ARHGAP24: variants seen among roughly 807,000 people sequenced by gnomAD.
ARHGAP24 encodes the protein rho GTPase-activating protein 24.
A neutral mutation model predicts 76.4 loss-of-function variants in ARHGAP24; 50 were observed. That is an observed-to-expected ratio of 0.65 (90% CI 0.52 to 0.83). The LOEUF (loss-of-function observed/expected upper bound fraction) is 0.83. Ranked by LOEUF, ARHGAP24 falls within the 40% of genes least tolerant of loss-of-function variation. ARHGAP24 has a pLI of 0.00. For missense variants in ARHGAP24, 930 were observed against 914.2 expected (o/e 1.02, Z -0.22); for synonymous variants, 345 against 323.3 (o/e 1.07, Z -0.72).
chr4:85,947,430 G>A (rs2148829277), intron 5 of ARHGAP24, among the ~76,000 whole-genome samples: 1 of 152,156 alleles, frequency 6.6e-6, no homozygotes, highest in East Asian at 1.9e-4. Flanking sequence ...TCTTTTGTAA[G>A]GGCATTAATC....
intron 3 of ARHGAP24, among the ~76,000 whole-genome samples, chr4:85,848,967 T>C (rs1198438236): frequency 6.6e-6 from 1 of 152,010 alleles, no homozygotes; most frequent in African/African-American, 2.4e-5. Flanking sequence ...AAAGTAGTTT[T>C]TTCCAATTCT....
chr4:85,830,621 T>C (rs1278344868), intron 3 of ARHGAP24, among the ~76,000 whole-genome samples: 4 of 152,212 alleles, frequency 2.6e-5, no homozygotes, highest in Non-Finnish European at 5.9e-5. Flanking sequence ...CTACTAACTC[T>C]TCCCAAAGCA....
intron 5 of ARHGAP24, among the ~76,000 whole-genome samples, chr4:85,946,957 A>G (rs1737304749): frequency 6.6e-6 from 1 of 152,160 alleles, no homozygotes; most frequent in Non-Finnish European, 1.5e-5. Flanking sequence ...AACAGTGATT[A>G]AGTGTTCCCT....
At chr4:85,860,096 AT>A (rs1211619161) in intron 3 of ARHGAP24, among the ~76,000 whole-genome samples, 9 of 152,110 alleles carry the variant, frequency 5.9e-5, no homozygotes, top group Non-Finnish European at 1.3e-4. Context: ...AATCAGAACA[AT>A]TGATTTTCTT....
intron 3 of ARHGAP24, among the ~76,000 whole-genome samples, chr4:85,853,449 C>T (rs562657499): frequency 6.0e-4 from 91 of 152,258 alleles, no homozygotes; most frequent in Admixed American, 2.1e-3. Flanking sequence ...GGTGATGCCC[C>T]GCCCTGCTTC....
chr4:85,683,109 T>TGTGTGG (rs1553922558), intron 2 of ARHGAP24, among the ~76,000 whole-genome samples: 57 of 17,480 alleles, frequency 3.3e-3, no homozygotes, highest in African/African-American at 9.4e-3. Context: ...TCTCAGTGTG[T>TGTGTGG]GGGGGGGTGG....
chr4:85,874,149 A>G (rs555143381), intron 3 of ARHGAP24, among the ~76,000 whole-genome samples: 18 of 152,302 alleles, frequency 1.2e-4, no homozygotes, highest in African/African-American at 4.1e-4. Context: ...AACGATAACA[A>G]TCTGTACAAA....
chr4:85,489,435 T>C (rs1174629576), intron 1 of ARHGAP24, among the ~76,000 whole-genome samples: 1 of 152,196 alleles, frequency 6.6e-6, no homozygotes, highest in Non-Finnish European at 1.5e-5. Flanking sequence ...GGAGTATCCT[T>C]AGCTTCCCTG....
intron 3 of ARHGAP24, among the ~76,000 whole-genome samples, chr4:85,850,857 C>T (rs1162690164): frequency 6.6e-6 from 1 of 152,128 alleles, no homozygotes; most frequent in Admixed American, 6.5e-5. Context: ...CTGAGAAGTA[C>T]TTTACTTCAA....
intron 2 of ARHGAP24, among the ~76,000 whole-genome samples, chr4:85,676,140 A>G (rs1185943586): frequency 6.6e-6 from 1 of 152,212 alleles, no homozygotes; most frequent in Non-Finnish European, 1.5e-5. Flanking sequence ...CTTGAACAGA[A>G]TGCTCTTGTG....
chr4:85,482,948 A>G (rs1722874391), intron 1 of ARHGAP24, among the ~76,000 whole-genome samples: 1 of 152,196 alleles, frequency 6.6e-6, no homozygotes, highest in South Asian at 2.1e-4. Flanking sequence ...AATTAGACCT[A>G]CATTCTAACC....
At chr4:85,833,968 G>A (rs569153736) in intron 3 of ARHGAP24, among the ~76,000 whole-genome samples, 1 of 152,336 alleles carries the variant, frequency 6.6e-6, no homozygotes, top group South Asian at 2.1e-4. Context: ...TAACTTTTGT[G>A]AAGCTCAGTT....
At chr4:85,548,400 A>G (rs1335469071) in intron 1 of ARHGAP24, among the ~76,000 whole-genome samples, 1 of 152,184 alleles carries the variant, frequency 6.6e-6, no homozygotes, top group African/African-American at 2.4e-5. Flanking sequence ...TTATTTCTAT[A>G]TCTATGTGCC....
intron 2 of ARHGAP24, among the ~76,000 whole-genome samples, chr4:85,646,233 C>T (rs1022309064): frequency 6.6e-6 from 1 of 151,804 alleles, no homozygotes; most frequent in Non-Finnish European, 1.5e-5. Flanking sequence ...GTAATTTAGT[C>T]ATCTCTAATT....
chr4:85,486,018 C>T (rs1723037318), intron 1 of ARHGAP24, among the ~76,000 whole-genome samples: 2 of 152,132 alleles, frequency 1.3e-5, no homozygotes, highest in Admixed American at 6.5e-5. Context: ...GGATTACAGG[C>T]TGCCGTGCCC....
At chr4:85,958,782 A>G (rs1738069438) in intron 5 of ARHGAP24, among the ~76,000 whole-genome samples, 1 of 152,200 alleles carries the variant, frequency 6.6e-6, no homozygotes, top group Non-Finnish European at 1.5e-5. Flanking sequence ...GAACATTTTT[A>G]TCACCCCAAT....
chr4:85,904,564 T>C (rs1734672540), intron 3 of ARHGAP24, among the ~76,000 whole-genome samples: 1 of 152,226 alleles, frequency 6.6e-6, no homozygotes, highest in Admixed American at 6.5e-5. Flanking sequence ...TAAAGTGTTA[T>C]TCACATTACT....
chr4:85,688,945 C>A (rs1415763470), intron 2 of ARHGAP24, among the ~76,000 whole-genome samples: 1 of 152,120 alleles, frequency 6.6e-6, no homozygotes, highest in Non-Finnish European at 1.5e-5. Flanking sequence ...TTTTTGGTTA[C>A]TGTAGCTTTA....
chr4:85,959,469 A>G (rs1446213334), intron 5 of ARHGAP24, among the ~76,000 whole-genome samples: 2 of 152,126 alleles, frequency 1.3e-5, no homozygotes, highest in Non-Finnish European at 2.9e-5. Flanking sequence ...CCCAGCCCCT[A>G]TTCTAGATGG....
Sources: allele counts gnomAD v4.1 joint callset (sites outside exome capture counted in the v4.1 genomes callset), GRCh38; gene constraint gnomAD v4.1.1; transcripts MANE v1.5; gene names NCBI Gene and HGNC (gene_info 2026-07-23, HGNC 2026-07-21).